The following ZNF503 variants were observed in gnomAD, a reference collection of about 807,000 sequenced individuals.
ZNF503 encodes NocA-like zinc finger 2.
Under a neutral mutation model 34.4 loss-of-function variants are expected in ZNF503, and 15 were observed. That is an observed-to-expected ratio of 0.44 (90% CI 0.29 to 0.67). The LOEUF is 0.67. Ranked by LOEUF, ZNF503 falls within the 30% of genes least tolerant of loss-of-function variation. The pLI is 0.13. For missense variants in ZNF503, 1,007 were observed against 926.8 expected (o/e 1.09, Z -1.12); for synonymous variants, 580 against 456.8 (o/e 1.27, Z -3.44).
chr10:75,395,352 G>A (rs1843684444), downstream of ZNF503, among the ~76,000 whole-genome samples: 1 of 152,228 alleles, frequency 6.6e-6, no homozygotes, highest in Non-Finnish European at 1.5e-5. The surrounding 1 kb of genome is among the most constrained non-coding windows in gnomAD (Gnocchi z 4.4). Flanking sequence ...GGAGTCACAG[G>A]GAGGGGCCTC....
the ZNF503 span, among the ~76,000 whole-genome samples, chr10:75,384,559 C>A: frequency 6.6e-6 from 1 of 152,106 alleles, no homozygotes; most frequent in Admixed American, 6.5e-5. Flanking sequence ...CACATGGACA[C>A]AACTCCCTTG....
At chr10:75,375,412 G>C in the ZNF503 span, among the ~76,000 whole-genome samples, 4 of 152,286 alleles carry the variant, frequency 2.6e-5, no homozygotes, top group African/African-American at 9.6e-5. Flanking sequence ...ATGAGCTACC[G>C]TACCCAGCCC....
At chr10:75,323,308 T>C in the ZNF503 span, among the ~76,000 whole-genome samples, 2 of 152,258 alleles carry the variant, frequency 1.3e-5, no homozygotes, top group African/African-American at 4.8e-5. Context: ...TTGGTATTTA[T>C]AAATAAAGCT....
chr10:75,318,472 C>T, the ZNF503 span, among the ~76,000 whole-genome samples: 1 of 152,028 alleles, frequency 6.6e-6, no homozygotes, highest in East Asian at 1.9e-4. Context: ...AATTTGATGC[C>T]AGCCTGGGCA....
chr10:75,371,585 C>T, the ZNF503 span, among the ~76,000 whole-genome samples: 435 of 152,332 alleles, frequency 2.9e-3, 5 homozygotes, highest in African/African-American at 9.3e-3. Flanking sequence ...ACTTCTTTCT[C>T]GGGTCTCAGC....
the ZNF503 span, among the ~76,000 whole-genome samples, chr10:75,319,577 GAA>G: frequency 6.6e-6 from 1 of 152,136 alleles, no homozygotes; most frequent in Non-Finnish European, 1.5e-5. Context: ...AGGCAAGACA[GAA>G]AAGAGATAAA....
chr10:75,379,250 C>T, the ZNF503 span, among the ~76,000 whole-genome samples: 1 of 152,128 alleles, frequency 6.6e-6, no homozygotes, highest in Non-Finnish European at 1.5e-5. Context: ...GCTACGAGCC[C>T]TATTACCATA....
the ZNF503 span, among the ~76,000 whole-genome samples, chr10:75,285,681 C>A: frequency 1.3e-5 from 2 of 152,160 alleles, no homozygotes; most frequent in African/African-American, 2.4e-5. Flanking sequence ...TGGAAAATGG[C>A]AAATGCTACA....
At chr10:75,367,615 G>T in the ZNF503 span, among the ~76,000 whole-genome samples, 3 of 152,276 alleles carry the variant, frequency 2.0e-5, no homozygotes, top group South Asian at 4.1e-4. Flanking sequence ...TAACATATAG[G>T]CTCAAAGAAG....
the ZNF503 span, among the ~76,000 whole-genome samples, chr10:75,370,165 G>A: frequency 6.6e-6 from 1 of 152,054 alleles, no homozygotes; most frequent in Non-Finnish European, 1.5e-5. Context: ...GTTAATTTCT[G>A]TAACATTTTA....
At chr10:75,337,435 C>G in the ZNF503 span, among the ~76,000 whole-genome samples, 2 of 150,960 alleles carry the variant, frequency 1.3e-5, no homozygotes, top group Non-Finnish European at 2.9e-5. Flanking sequence ...CCAGCCTGGC[C>G]AACACGGTGA....
rs770954348 is a variant in ZNF503, at chr10:75,400,333, T to A, written c.357A>T (p.Thr119=). The change falls in exon 2 of 2, where the codon ACA becomes ACT. Residue 119 remains threonine, a synonymous_variant. Coordinates refer to ENST00000372524, the MANE Select transcript of ZNF503 (RefSeq NM_032772.6). ...KKSPLALLAQ[T]CSQIGKPDPS... ...GGTCGGGCTTCCCGATCTGCGAACATGTTTGCGCCAACAGCGCCAGCGGGC... is the reference window on the plus strand; with the variant it reads ...GGTCGGGCTTCCCGATCTGCGAACAAGTTTGCGCCAACAGCGCCAGCGGGC... 1.9e-6 allele frequency: 3 copies of A among 1,611,470 alleles called. No individual in the cohort carries two copies. The highest frequency in any genetic ancestry group is 2.7e-5 in the African/African-American group (2 of 74,970).
the ZNF503 span, among the ~76,000 whole-genome samples, chr10:75,361,899 G>A: frequency 6.6e-6 from 1 of 152,180 alleles, no homozygotes; most frequent in East Asian, 1.9e-4. Context: ...TCCTGGGAAG[G>A]AAGAGCCCCT....
chr10:75,345,099 T>C, the ZNF503 span, among the ~76,000 whole-genome samples: 1 of 152,210 alleles, frequency 6.6e-6, no homozygotes, highest in East Asian at 1.9e-4. Context: ...CTCTCTTAGT[T>C]GTATGACTTT....
chr10:75,346,517 A>G, the ZNF503 span, among the ~76,000 whole-genome samples: 1 of 149,760 alleles, frequency 6.7e-6, no homozygotes, highest in Non-Finnish European at 1.5e-5. Flanking sequence ...TGCAGCCTCA[A>G]CTTCCTGCGT....
At chr10:75,314,577 C>T in the ZNF503 span, among the ~76,000 whole-genome samples, 1 of 152,160 alleles carries the variant, frequency 6.6e-6, no homozygotes, top group East Asian at 1.9e-4. Flanking sequence ...ATCTAACATT[C>T]ACATTATGGG....
At chr10:75,294,610 G>A in the ZNF503 span, among the ~76,000 whole-genome samples, 5 of 152,064 alleles carry the variant, frequency 3.3e-5, no homozygotes, top group Non-Finnish European at 7.4e-5. Flanking sequence ...ACGTGGCCCA[G>A]ACCTCACTTG....
chr10:75,313,471 G>A, the ZNF503 span, among the ~76,000 whole-genome samples: 1 of 152,332 alleles, frequency 6.6e-6, no homozygotes, highest in South Asian at 2.1e-4. Context: ...GGTTCCCACA[G>A]CCATGTAGGA....
chr10:75,363,569 G>T, the ZNF503 span, among the ~76,000 whole-genome samples: 29 of 152,254 alleles, frequency 1.9e-4, no homozygotes, highest in Middle Eastern at 0.01. Context: ...TAATTCTCCC[G>T]CATTCCATAC....
Sources: allele counts gnomAD v4.1 joint callset (sites outside exome capture counted in the v4.1 genomes callset), GRCh38; gene constraint gnomAD v4.1.1; non-coding constraint Gnocchi (gnomAD v3.1); transcripts MANE v1.5; gene names NCBI Gene and HGNC (gene_info 2026-07-23, HGNC 2026-07-21).